The following R3HDM2 variants were observed in gnomAD, a reference collection of about 807,000 sequenced individuals.
R3HDM2 encodes R3H domain containing 2.
Under a neutral mutation model 124.5 loss-of-function variants are expected in R3HDM2, and 38 were observed. That is an observed-to-expected ratio of 0.31 (90% CI 0.24 to 0.40). R3HDM2 has a LOEUF of 0.40. Among genes scored for constraint, R3HDM2 ranks in the 10% least tolerant of loss-of-function variants. The pLI, the probability that R3HDM2 is intolerant of heterozygous loss-of-function variation, is 1.00. For synonymous variants in R3HDM2, 391 were observed against 448.0 expected (o/e 0.87, Z 1.61); for missense variants, 869 against 1,236.9 (o/e 0.70, Z 4.46).
chr12:57,412,044 T>C (rs917584835), intron 1 of R3HDM2, among the ~76,000 whole-genome samples: 1 of 152,178 alleles, frequency 6.6e-6, no homozygotes, highest in African/African-American at 2.4e-5. Flanking sequence ...ACCATAATTT[T>C]AAGTTTCCTG....
rs958585652 is a variant in R3HDM2 at position 57,310,472 on chromosome 12, AC to A, written c.-35-10del. ...GTGGCCTCTATGGACTCCTAAAGAA[AC>A]ATCAAATGCATTAAGCAGGAGGTAT... On this transcript the variant is annotated splice_polypyrimidine_tract_variant and intron_variant, in intron 2 of 23. Transcript: ENST00000402412. 3 of 1,399,942 alleles carry A rather than the reference AC, an allele frequency of 2.1e-6. No individual in the cohort carries two copies. The highest frequency in any genetic ancestry group is 2.8e-6 in the Non-Finnish European group (3 of 1,064,958). 86.7% of individuals were successfully genotyped at this position (1,399,942 alleles called of 1,614,324 possible).
chr12:57,288,063 C>T (rs1471057154), intron 12 of R3HDM2, among the ~76,000 whole-genome samples: 6 of 149,704 alleles, frequency 4.0e-5, no homozygotes, highest in African/African-American at 9.8e-5. Flanking sequence ...TTGCTCAGGC[C>T]GGATGGAGTG....
At chr12:57,305,728 G>A (rs999185410) in intron 3 of R3HDM2, 17 of 398,376 alleles carry the variant, frequency 4.3e-5, no homozygotes, top group Non-Finnish European at 6.2e-5. Context: ...AGGTACTCAT[G>A]GAGTGCTACA....
intron 2 of R3HDM2, among the ~76,000 whole-genome samples, chr12:57,317,988 CA>C (rs769547852): frequency 4.1e-5 from 6 of 144,590 alleles, no homozygotes; most frequent in African/African-American, 1.3e-4. Flanking sequence ...CCCGCCCCCC[CA>C]AAAAAAAAAA....
chr12:57,406,186 T>C (rs1198910226), intron 1 of R3HDM2, among the ~76,000 whole-genome samples: 1 of 151,916 alleles, frequency 6.6e-6, no homozygotes, highest in Non-Finnish European at 1.5e-5. Flanking sequence ...CCAGGTGTGG[T>C]GGCAGGCGCC....
At chr12:57,276,618 C>T (rs571293382) in intron 14 of R3HDM2, among the ~76,000 whole-genome samples, 4 of 152,084 alleles carry the variant, frequency 2.6e-5, no homozygotes, top group African/African-American at 9.6e-5. Flanking sequence ...CCGGGCACAG[C>T]GGCTCACGCC....
At chr12:57,300,917 T>C (rs1343758584) in intron 4 of R3HDM2, among the ~76,000 whole-genome samples, 2 of 151,798 alleles carry the variant, frequency 1.3e-5, no homozygotes, top group Non-Finnish European at 2.9e-5. Context: ...CTGGGCAACA[T>C]AGTGAGACCC....
Position 57,258,056 on chromosome 12 carries a change from C to G in R3HDM2, c.2383G>C (p.Val795Leu). 1.2e-6 allele frequency: 2 copies of G among 1,603,118 alleles called. No homozygotes were observed. Among genetic ancestry groups the G allele is most frequent in the Non-Finnish European group, 1.7e-6 (2 of 1,172,538 alleles). ...GGCAGGGGACTGAGTCCTGTGCAGACACTGCTGAGGCTGGTGACAGGAGAG... is the reference window on the plus strand; with the variant it reads ...GGCAGGGGACTGAGTCCTGTGCAGAGACTGCTGAGGCTGGTGACAGGAGAG... ...APSPVTSLSS[V>L]CTGLSPLPVL... The change falls in exon 21 of 24, where the codon GTC becomes CTC. Residue 795 changes from valine (V) to leucine (L), a missense_variant. Around this residue, in one of 2 missense-constraint regions of R3HDM2, gnomAD observed 602 missense variants for 789.2 expected, o/e 0.76. Transcript: ENST00000402412.
rs2049823951 is a variant in R3HDM2, at chr12:57,296,159, C to T, written c.701+252G>A. Reference sequence around the variant, plus strand: ...CTGGGATTACAGGCGTCAGCCACTGCGCCCGGCCATTTTTAAACTTTTTTT... The same window carrying T: ...CTGGGATTACAGGCGTCAGCCACTGTGCCCGGCCATTTTTAAACTTTTTTT... On this transcript the variant is annotated intron_variant, in intron 9 of 23. Coordinates refer to ENST00000402412, the MANE Select transcript of R3HDM2 (RefSeq NM_001394031.1). This position sits in a 1 kb window ranked among gnomAD's most constrained non-coding sequence, Gnocchi z 4.5. 6.6e-6 allele frequency among the ~76,000 whole-genome samples: 1 copy of T among 152,114 alleles called. No homozygotes were observed. Among genetic ancestry groups the T allele is most frequent in the Admixed American group, 6.5e-5 (1 of 15,270 alleles).
chr12:57,346,359 G>A (rs904115883), intron 2 of R3HDM2, among the ~76,000 whole-genome samples: 1 of 151,182 alleles, frequency 6.6e-6, no homozygotes, highest in Admixed American at 6.6e-5. Flanking sequence ...TTGGGAGGCT[G>A]AGGCAGGAGA....
chr12:57,404,572 G>A (rs1044714346), intron 1 of R3HDM2, among the ~76,000 whole-genome samples: 7 of 152,098 alleles, frequency 4.6e-5, no homozygotes, highest in African/African-American at 9.7e-5. Context: ...GCATGGTGGC[G>A]TGCGCCTGTA....
At chr12:57,317,599 T>A (rs143726516) in intron 2 of R3HDM2, among the ~76,000 whole-genome samples, 1 of 144,802 alleles carries the variant, frequency 6.9e-6, no homozygotes, top group East Asian at 2.0e-4. Flanking sequence ...ATACTCTGAG[T>A]TGAGTTTATT....
chr12:57,352,241 C>CAAAAAA (rs776229504), intron 2 of R3HDM2, among the ~76,000 whole-genome samples: 97 of 48,052 alleles, frequency 2.0e-3, no homozygotes, highest in Non-Finnish European at 2.4e-3. Context: ...GACTCCATCT[C>CAAAAAA]AAAAAAAAAA....
Position 57,269,944 on chromosome 12 carries a change from A to G in R3HDM2, c.1395T>C (p.Gly465=). Residue 465 remains glycine, a synonymous_variant, in exon 15 of 24, where the codon GGT becomes GGC. Transcript: ENST00000402412. ...CAGATGGGTCAGCTGCTTCAGTAGA[A>G]CCTTGGCGACTAAGGCTCATTTGTC... ...PFGQMSLSRQ[G]STEAADPSAA... 6.2e-7 allele frequency: 1 copy of G among 1,614,098 alleles called. No homozygotes were observed. The highest frequency in any genetic ancestry group is 8.5e-7 in the Non-Finnish European group (1 of 1,180,008).
At chr12:57,387,792 G>A (rs1261971426) in intron 2 of R3HDM2, among the ~76,000 whole-genome samples, 2 of 152,124 alleles carry the variant, frequency 1.3e-5, no homozygotes, top group Non-Finnish European at 2.9e-5. Context: ...GACAAAAAGT[G>A]TCCAATGGAT....
intron 2 of R3HDM2, among the ~76,000 whole-genome samples, chr12:57,355,154 A>C (rs376424260): frequency 6.6e-6 from 1 of 151,940 alleles, no homozygotes; most frequent in Non-Finnish European, 1.5e-5. Flanking sequence ...CGGTTTATCC[A>C]ATTGTTTAAG....
At chr12:57,383,472 G>A (rs2065206708) in intron 2 of R3HDM2, among the ~76,000 whole-genome samples, 1 of 152,048 alleles carries the variant, frequency 6.6e-6, no homozygotes, top group Non-Finnish European at 1.5e-5. Flanking sequence ...GAAGGCCGAG[G>A]TGGGTGGATC....
intron 14 of R3HDM2, among the ~76,000 whole-genome samples, chr12:57,273,817 A>G (rs770829933): frequency 6.6e-6 from 1 of 152,180 alleles, no homozygotes; most frequent in Non-Finnish European, 1.5e-5. Flanking sequence ...CCTGCCACAC[A>G]TCTCCAGAGT....
chr12:57,332,147 T>C (rs2058279430), intron 2 of R3HDM2, among the ~76,000 whole-genome samples: 2 of 151,644 alleles, frequency 1.3e-5, no homozygotes, highest in South Asian at 4.2e-4. Context: ...TGATGATCCA[T>C]GCCTGTAATC....
Sources: allele counts gnomAD v4.1 joint callset (sites outside exome capture counted in the v4.1 genomes callset), GRCh38; gene constraint gnomAD v4.1.1; regional missense constraint gnomAD v4.1.1; non-coding constraint Gnocchi (gnomAD v3.1); transcripts MANE v1.5; gene names NCBI Gene and HGNC (gene_info 2026-07-23, HGNC 2026-07-21).